The following SPOCK1 variants were observed in gnomAD, a reference collection of about 807,000 sequenced individuals.
The protein encoded by SPOCK1 is SPARC (osteonectin), cwcv and kazal like domains proteoglycan 1, also known as testican-1.
In SPOCK1, 23 loss-of-function variants were observed where a neutral mutation model predicts 55.3. That is an observed-to-expected ratio of 0.42 (90% CI 0.30 to 0.59). SPOCK1 has a LOEUF of 0.59. SPOCK1 is among the 20% of genes least tolerant of loss of function. The pLI, the probability that SPOCK1 is intolerant of heterozygous loss-of-function variation, is 0.22. For missense variants in SPOCK1, 499 were observed against 552.5 expected, an observed-to-expected ratio of 0.90 and a Z score of 0.97; for synonymous variants, 226 against 221.0, an observed-to-expected ratio of 1.02 and a Z score of -0.20.
intron 2 of SPOCK1, among the ~76,000 whole-genome samples, chr5:137,427,342 T>C (rs1486673381): frequency 2.0e-5 from 3 of 152,182 alleles, no homozygotes; most frequent in Admixed American, 6.5e-5. Flanking sequence ...CCAAAAGCAG[T>C]GTGGGCTGTG....
intron 2 of SPOCK1, among the ~76,000 whole-genome samples, chr5:137,447,773 C>A (rs1003413880): frequency 2.6e-5 from 4 of 152,120 alleles, no homozygotes; most frequent in African/African-American, 9.7e-5. Context: ...TCAATCTATG[C>A]CTGCAAGAAA....
intron 3 of SPOCK1, among the ~76,000 whole-genome samples, chr5:137,193,554 C>A (rs1580800696): frequency 2.0e-5 from 3 of 152,284 alleles, no homozygotes; most frequent in Admixed American, 2.0e-4. Context: ...TCTCCACAGA[C>A]TCATAATGGG....
At chr5:137,335,998 C>G (rs1034711719) in intron 2 of SPOCK1, among the ~76,000 whole-genome samples, 18 of 152,144 alleles carry the variant, frequency 1.2e-4, no homozygotes, top group African/African-American at 4.3e-4. Flanking sequence ...ACTCACAGAC[C>G]CTAATGATTT....
chr5:137,107,984 T>C (rs1753398710), intron 5 of SPOCK1, among the ~76,000 whole-genome samples: 1 of 152,052 alleles, frequency 6.6e-6, no homozygotes, highest in African/African-American at 2.4e-5. Flanking sequence ...TTAATGACAT[T>C]GAATCACCTC....
chr5:137,085,473 G>A (rs114138127), intron 5 of SPOCK1, among the ~76,000 whole-genome samples: 2,088 of 152,296 alleles, frequency 0.014, 45 homozygotes, highest in African/African-American at 0.048. Flanking sequence ...AGAAGGAAGC[G>A]GGGACTGATA....
chr5:137,472,898 A>G (rs1018309768), intron 2 of SPOCK1, among the ~76,000 whole-genome samples: 1 of 152,238 alleles, frequency 6.6e-6, no homozygotes, highest in Non-Finnish European at 1.5e-5. Flanking sequence ...AATTAAAACT[A>G]CACTGTGATA....
At chr5:137,426,196 T>C (rs1249144453) in intron 2 of SPOCK1, among the ~76,000 whole-genome samples, 1 of 152,206 alleles carries the variant, frequency 6.6e-6, no homozygotes. Flanking sequence ...CAACAGTAAA[T>C]GATCAATTAG....
At position 137,353,885 on chromosome 5, in the gene SPOCK1, C is replaced by CAT. The variant is rs150468656; in HGVS notation, c.187-86832_187-86831dup. 3.6e-3 allele frequency among the ~76,000 whole-genome samples: 554 copies of CAT among 152,186 alleles called. 5 individuals carry two copies. The highest frequency in any genetic ancestry group is 0.013 in the African/African-American group (528 of 41,502). ...AACACCTAAGTTTCCATTCCTTACC[C>CAT]ATACCCTCCCTCTACAGATACTTGC... On this transcript the variant is annotated intron_variant, in intron 2 of 10. Transcript: ENST00000394945.
At chr5:137,306,009 G>A (rs944372705) in intron 2 of SPOCK1, among the ~76,000 whole-genome samples, 3 of 152,228 alleles carry the variant, frequency 2.0e-5, no homozygotes, top group African/African-American at 4.8e-5. Context: ...TATTCAAGGA[G>A]GATTCAGTAG....
intron 6 of SPOCK1, among the ~76,000 whole-genome samples, chr5:137,036,364 T>A (rs527642237): frequency 2.6e-4 from 40 of 152,256 alleles, no homozygotes; most frequent in Admixed American, 3.9e-4. Flanking sequence ...GCAAGACATA[T>A]GAAGACTTCT....
chr5:137,029,005 T>TG (rs563126965), intron 6 of SPOCK1, among the ~76,000 whole-genome samples: 71 of 152,102 alleles, frequency 4.7e-4, no homozygotes, highest in African/African-American at 1.6e-3. Context: ...AGGGTGGTGG[T>TG]GGGGGGCTGC....
intron 8 of SPOCK1, among the ~76,000 whole-genome samples, chr5:136,986,209 G>C (rs1750838132): frequency 6.6e-6 from 1 of 152,230 alleles, no homozygotes; most frequent in South Asian, 2.1e-4. Flanking sequence ...GCATTTCCTG[G>C]ATGCTGTGCC....
intron 3 of SPOCK1, among the ~76,000 whole-genome samples, chr5:137,239,537 G>T (rs1756243600): frequency 2.0e-5 from 3 of 152,130 alleles, no homozygotes; most frequent in Admixed American, 1.3e-4. Flanking sequence ...CATCTGAAGT[G>T]GGGGGCAGTC....
Position 137,452,795 on chromosome 5 carries a change from C to T in SPOCK1, c.186+45578G>A, listed in dbSNP as rs1247297403. 3.3e-5 allele frequency among the ~76,000 whole-genome samples: 5 copies of T among 152,278 alleles called. No homozygotes were observed. In the East Asian group the frequency reaches 9.6e-4, roughly 29 times the overall value. On this transcript the variant is annotated intron_variant, in intron 2 of 10. Transcript: ENST00000394945. ...CAGTTATCTATCCTATGTCTGTTTCCTCCACTGCTCTATCAGCTCTATGAG... is the reference window on the plus strand; with the variant it reads ...CAGTTATCTATCCTATGTCTGTTTCTTCCACTGCTCTATCAGCTCTATGAG...
chr5:137,220,436 C>A (rs188466104), intron 3 of SPOCK1, among the ~76,000 whole-genome samples: 1 of 152,168 alleles, frequency 6.6e-6, no homozygotes, highest in African/African-American at 2.4e-5. Context: ...TATTATCACA[C>A]GCAAGGAACT....
intron 3 of SPOCK1, among the ~76,000 whole-genome samples, chr5:137,158,194 C>G (rs532047693): frequency 5.9e-5 from 9 of 152,282 alleles, no homozygotes; most frequent in African/African-American, 2.2e-4. Context: ...TGATTCCATC[C>G]CAGTGACTGT....
intron 5 of SPOCK1, among the ~76,000 whole-genome samples, chr5:137,089,051 G>C (rs1753009608): frequency 6.6e-6 from 1 of 152,146 alleles, no homozygotes; most frequent in African/African-American, 2.4e-5. Flanking sequence ...CTATTGCAAG[G>C]GGGCTGAGCA....
chr5:137,062,160 C>T (rs1752404396), intron 6 of SPOCK1, among the ~76,000 whole-genome samples: 1 of 152,030 alleles, frequency 6.6e-6, no homozygotes, highest in African/African-American at 2.4e-5. Context: ...GATCTGAGGC[C>T]CCACCCATTT....
intron 2 of SPOCK1, among the ~76,000 whole-genome samples, chr5:137,292,909 C>T (rs536691623): frequency 2.0e-5 from 3 of 152,094 alleles, no homozygotes; most frequent in Non-Finnish European, 4.4e-5. Context: ...GCTGCAAACA[C>T]GGCGGAAAAT....
Sources: gnomAD v4.1 joint callset for allele counts (sites outside exome capture counted in the v4.1 genomes callset) on GRCh38, gnomAD v4.1.1 for gene constraint, MANE v1.5 for transcripts, NCBI Gene and HGNC (gene_info 2026-07-23, HGNC 2026-07-21) for gene names.